Variants in CTNNA3 observed in about 807,000 individuals in gnomAD.
CTNNA3 encodes catenin alpha 3.
A neutral mutation model predicts 95.7 loss-of-function variants in CTNNA3; 76 were observed. That is an observed-to-expected ratio of 0.79 (90% CI 0.66 to 0.96). CTNNA3 has a LOEUF of 0.96. Among genes scored for constraint, CTNNA3 ranks in the 40% least tolerant of loss-of-function variants. The probability of loss-of-function intolerance (pLI) is 0.00; values close to 1 mark genes in which losing one functional copy is unlikely to be tolerated. For missense variants in CTNNA3, 1,191 were observed against 1,089.8 expected, an observed-to-expected ratio of 1.09 and a Z score of -1.31; for synonymous variants, 431 against 374.4, an observed-to-expected ratio of 1.15 and a Z score of -1.74.
At chr10:66,694,073 C>A (rs1233398609) in intron 9 of CTNNA3, among the ~76,000 whole-genome samples, 1 of 152,086 alleles carries the variant, frequency 6.6e-6, no homozygotes, top group African/African-American at 2.4e-5. Context: ...AGAGCAAACA[C>A]ATTCAAAAGC....
intron 5 of CTNNA3, among the ~76,000 whole-genome samples, chr10:67,506,422 G>C (rs776227969): frequency 3.3e-5 from 5 of 152,122 alleles, no homozygotes; most frequent in Non-Finnish European, 5.9e-5. Flanking sequence ...ATAGTTTAGA[G>C]AGCAAAAATA....
intron 1 of CTNNA3, among the ~76,000 whole-genome samples, chr10:67,732,561 CAT>C (rs1841281709): frequency 6.6e-6 from 1 of 152,180 alleles, no homozygotes; most frequent in Non-Finnish European, 1.5e-5. Context: ...AGGACAAAAA[CAT>C]AACCCTTCAT....
chr10:67,314,200 T>C (rs1157255274), intron 5 of CTNNA3, among the ~76,000 whole-genome samples: 1 of 152,168 alleles, frequency 6.6e-6, no homozygotes, highest in Non-Finnish European at 1.5e-5. Context: ...ATAATTAAAA[T>C]GAATAATTAG....
rs537628327 is a variant in CTNNA3, at chr10:66,443,379, C to A, written c.1532-64027G>T. 1.2e-4 allele frequency among the ~76,000 whole-genome samples: 19 copies of A among 152,248 alleles called. No individual in the cohort carries two copies. The East Asian group carries it at 3.5e-3, about 28-fold the overall frequency. The stretch of plus-strand genomic sequence containing the variant: ...GCCTCCTTAAGTGGGTGTCTGACCC[C>A]CGAGCAGCCTAACTGGGAGGCGCCC... On this transcript the variant is annotated intron_variant, in intron 11 of 17. Transcript: ENST00000433211.
intron 9 of CTNNA3, among the ~76,000 whole-genome samples, chr10:66,755,864 C>A (rs1243419947): frequency 6.6e-6 from 1 of 151,976 alleles, no homozygotes; most frequent in East Asian, 1.9e-4. Context: ...ATGTTTAATC[C>A]TAAACTAATT....
chr10:67,727,932 A>G (rs1022831786), intron 1 of CTNNA3, among the ~76,000 whole-genome samples: 7 of 135,638 alleles, frequency 5.2e-5, no homozygotes, highest in African/African-American at 1.9e-4. Context: ...ATTACATATT[A>G]TATTATGTAG....
chr10:66,529,439 G>GTTTTTT (rs201667838), intron 10 of CTNNA3, among the ~76,000 whole-genome samples: 2 of 50,578 alleles, frequency 4.0e-5, no homozygotes, highest in Admixed American at 2.0e-4. Context: ...GCCAAACAGT[G>GTTTTTT]TTTTTTTTTT....
chr10:66,481,191 A>G (rs551721451), intron 11 of CTNNA3, among the ~76,000 whole-genome samples: 43 of 152,258 alleles, frequency 2.8e-4, no homozygotes, highest in African/African-American at 9.6e-4. Flanking sequence ...AATTTTCACT[A>G]CAAATTCAGG....
chr10:67,030,695 A>G (rs1327914328), intron 7 of CTNNA3, among the ~76,000 whole-genome samples: 1 of 152,130 alleles, frequency 6.6e-6, no homozygotes, highest in Non-Finnish European at 1.5e-5. Flanking sequence ...TAGAAGAGAT[A>G]ATTTAATCCA....
At chr10:67,333,776 G>A (rs929405675) in intron 5 of CTNNA3, among the ~76,000 whole-genome samples, 1 of 152,026 alleles carries the variant, frequency 6.6e-6, no homozygotes, top group African/African-American at 2.4e-5. Flanking sequence ...GGCCTCAGTT[G>A]CCTCATGTGA....
chr10:67,610,021 T>C (rs1843407892), intron 2 of CTNNA3, among the ~76,000 whole-genome samples: 1 of 152,222 alleles, frequency 6.6e-6, no homozygotes, highest in Non-Finnish European at 1.5e-5. Context: ...TATTGAGAGT[T>C]GAAAGGTATT....
chr10:67,118,882 T>G (rs1228170901), intron 7 of CTNNA3, among the ~76,000 whole-genome samples: 1 of 151,900 alleles, frequency 6.6e-6, no homozygotes. Context: ...TGTAGAAATA[T>G]ATAATAACAT....
chr10:66,393,766 T>A lies in CTNNA3; in HGVS notation c.1532-14414A>T, dbSNP rs147855492. 2.6e-5 allele frequency among the ~76,000 whole-genome samples: 4 copies of A among 152,018 alleles called. No homozygotes were observed. In the South Asian group the frequency reaches 8.3e-4, roughly 31 times the overall value. ...GATTTTGTTTAATTCTCATAATAAT[T>A]CCAAGAGATAGATCTGTTACATTTC... On this transcript the variant is annotated intron_variant, in intron 11 of 17. Coordinates refer to ENST00000433211, the MANE Select transcript of CTNNA3 (RefSeq NM_013266.4).
chr10:66,668,284 T>C (rs1846528561), intron 9 of CTNNA3, among the ~76,000 whole-genome samples: 1 of 152,074 alleles, frequency 6.6e-6, no homozygotes, highest in African/African-American at 2.4e-5. Context: ...AAAAGGGAAA[T>C]ATGTCTGCAA....
At chr10:66,109,064 T>C (rs538964778) in intron 13 of CTNNA3, among the ~76,000 whole-genome samples, 18 of 152,316 alleles carry the variant, frequency 1.2e-4, no homozygotes, top group African/African-American at 4.3e-4. Flanking sequence ...GCCCTACTCC[T>C]TGACAATCCA....
At chr10:66,432,502 C>CA (rs2093305430) in intron 11 of CTNNA3, among the ~76,000 whole-genome samples, 1 of 151,772 alleles carries the variant, frequency 6.6e-6, no homozygotes, top group Admixed American at 6.6e-5. Context: ...ACTAAAAATA[C>CA]AAAAAATTAG....
chr10:66,572,217 T>C (rs1484806555), intron 10 of CTNNA3, among the ~76,000 whole-genome samples: 3 of 151,804 alleles, frequency 2.0e-5, no homozygotes, highest in Non-Finnish European at 2.9e-5. Flanking sequence ...ACCCCGTCTC[T>C]ACTAAAAATA....
intron 14 of CTNNA3, among the ~76,000 whole-genome samples, chr10:66,081,205 A>G (rs2080746316): frequency 6.6e-6 from 1 of 152,188 alleles, no homozygotes; most frequent in Non-Finnish European, 1.5e-5. Context: ...GGTAGATGCC[A>G]CCTGACACTG....
chr10:66,833,010 T>G (rs1381719756), intron 7 of CTNNA3, among the ~76,000 whole-genome samples: 1 of 152,202 alleles, frequency 6.6e-6, no homozygotes, highest in Non-Finnish European at 1.5e-5. Context: ...ACCCCCTTCC[T>G]GAATTTGTGC....
Sources: gnomAD v4.1 joint callset for allele counts (sites outside exome capture counted in the v4.1 genomes callset) on GRCh38, gnomAD v4.1.1 for gene constraint, MANE v1.5 for transcripts, NCBI Gene and HGNC (gene_info 2026-07-23, HGNC 2026-07-21) for gene names.